The following NCAM1 variants were observed in gnomAD, a reference collection of about 807,000 sequenced individuals.
NCAM1 encodes the protein neural cell adhesion molecule 1.
Under a neutral mutation model 109.8 loss-of-function variants are expected in NCAM1, and 14 were observed. The observed-to-expected ratio is 0.13, with a 90% confidence interval of 0.08 to 0.20. NCAM1 has a LOEUF of 0.20. Ranked by LOEUF, NCAM1 falls within the 10% of genes least tolerant of loss-of-function variation. NCAM1 has a pLI of 1.00. For missense variants in NCAM1, 774 were observed against 1,109.9 expected (o/e 0.70, Z 4.30); for synonymous variants, 418 against 442.9 (o/e 0.94, Z 0.70).
At chr11:113,204,550 A>C in intron 3 of NCAM1, 46 bp downstream of exon 3, 2 of 1,579,176 alleles carry the variant, frequency 1.3e-6, no homozygotes, top group Admixed American at 1.7e-5. Flanking sequence ...TCTCCTTGCC[A>C]AGGAGACATG....
intron 1 of NCAM1, among the ~76,000 whole-genome samples, chr11:112,985,591 A>G (rs1555069473): frequency 6.6e-6 from 1 of 151,324 alleles, no homozygotes; most frequent in Non-Finnish European, 1.5e-5. Flanking sequence ...TCTTTCATCA[A>G]TGTTGTGTAG....
At chr11:113,259,791 C>T (rs1354777561) in intron 16 of NCAM1, among the ~76,000 whole-genome samples, 1 of 150,984 alleles carries the variant, frequency 6.6e-6, no homozygotes, top group East Asian at 2.0e-4. Context: ...GCAACCTCCA[C>T]CTCCTGGGTT....
rs782449167 is a variant in NCAM1 at position 113,264,302 on chromosome 11, T to C, written c.2131+3979T>C. Reference sequence around the variant, plus strand: ...TAGCCTTTCCCTTTGGGATTCCAAATGATCCCATGCTGTGGTCTGAGGGGC... The same window carrying C: ...TAGCCTTTCCCTTTGGGATTCCAAACGATCCCATGCTGTGGTCTGAGGGGC... On this transcript the variant is annotated intron_variant, in intron 17 of 19. Transcript: ENST00000316851. 103 of 985,450 alleles carry C rather than the reference T, an allele frequency of 1.0e-4. No individual in the cohort carries two copies. In the Middle Eastern group the frequency reaches 2.1e-3, roughly 20 times the overall value. 61.0% of individuals were successfully genotyped at this position (985,450 alleles called of 1,614,324 possible).
intron 1 of NCAM1, among the ~76,000 whole-genome samples, chr11:113,062,835 G>T (rs1937737246): frequency 6.6e-6 from 1 of 152,122 alleles, no homozygotes; most frequent in African/African-American, 2.4e-5. Context: ...GGATGTGGTG[G>T]TGTGTGCCTT....
chr11:113,171,068 T>C (rs1942972797), intron 1 of NCAM1, among the ~76,000 whole-genome samples: 1 of 152,204 alleles, frequency 6.6e-6, no homozygotes, highest in Non-Finnish European at 1.5e-5. Flanking sequence ...TAATGAGTGC[T>C]GGTTTCCTCT....
At chr11:113,008,748 A>G (rs1275664259) in intron 1 of NCAM1, among the ~76,000 whole-genome samples, 1 of 152,232 alleles carries the variant, frequency 6.6e-6, no homozygotes, top group Non-Finnish European at 1.5e-5. Flanking sequence ...GTTAAAAGTC[A>G]GAAAGAAAGG....
At chr11:113,180,904 C>T (rs1302703130) in intron 1 of NCAM1, among the ~76,000 whole-genome samples, 1 of 152,220 alleles carries the variant, frequency 6.6e-6, no homozygotes, top group African/African-American at 2.4e-5. Context: ...GACCATGCTG[C>T]GTCCCAGAGA....
intron 1 of NCAM1, among the ~76,000 whole-genome samples, chr11:113,086,285 G>A (rs1373017063): frequency 1.3e-5 from 2 of 152,188 alleles, no homozygotes; most frequent in African/African-American, 4.8e-5. Flanking sequence ...CTCATGAATG[G>A]GATTTTGGTC....
intron 1 of NCAM1, among the ~76,000 whole-genome samples, chr11:113,045,480 A>T (rs1953232798): frequency 6.6e-6 from 1 of 152,168 alleles, no homozygotes; most frequent in South Asian, 2.1e-4. Context: ...TTCCCTTCCC[A>T]CTTTACTCCC....
intron 1 of NCAM1, among the ~76,000 whole-genome samples, chr11:113,066,137 G>A (rs1440965587): frequency 1.3e-5 from 2 of 151,972 alleles, no homozygotes; most frequent in Non-Finnish European, 2.9e-5. Flanking sequence ...TGGAGATTGA[G>A]AGATAAGTAA....
Position 113,224,109 on chromosome 11 carries a change from G to A in NCAM1, c.1089+2784G>A, listed in dbSNP as rs550090821. 5.3e-4 allele frequency among the ~76,000 whole-genome samples: 80 copies of A among 152,334 alleles called. No homozygotes were observed. The Middle Eastern group carries it at 0.017, about 32-fold the overall frequency. ...TTCAGGACAGTGGGTGCAGCGCACC[G>A]AGCGTGAGCCGAAGCAGGGCGAGGC... On this transcript the variant is annotated intron_variant, in intron 9 of 19. Coordinates refer to ENST00000316851, the MANE Select transcript of NCAM1 (RefSeq NM_181351.5).
chr11:113,237,875 T>G (rs199737658), intron 14 of NCAM1, among the ~76,000 whole-genome samples: 22 of 44,352 alleles, frequency 5.0e-4, no homozygotes, highest in African/African-American at 1.2e-3. Context: ...GATATATAGA[T>G]ATATATAGAT....
At chr11:113,113,334 C>G (rs1284099567) in intron 1 of NCAM1, among the ~76,000 whole-genome samples, 1 of 152,106 alleles carries the variant, frequency 6.6e-6, no homozygotes, top group African/African-American at 2.4e-5. Flanking sequence ...GTCCCTAGCG[C>G]CATAGACTGG....
chr11:113,204,569 G>A (rs1565497731), intron 3 of NCAM1, 65 bp downstream of exon 3: 1 of 1,475,556 alleles, frequency 6.8e-7, no homozygotes. Context: ...TGTGGGTAGT[G>A]GAAAGGTGGA....
At chr11:113,077,460 G>C (rs1938579110) in intron 1 of NCAM1, among the ~76,000 whole-genome samples, 1 of 152,122 alleles carries the variant, frequency 6.6e-6, no homozygotes, top group Non-Finnish European at 1.5e-5. Flanking sequence ...TGATATGCCT[G>C]TCCCCAGGGA....
chr11:113,178,382 A>G (rs1555107420), intron 1 of NCAM1, among the ~76,000 whole-genome samples: 1 of 152,214 alleles, frequency 6.6e-6, no homozygotes, highest in Non-Finnish European at 1.5e-5. Flanking sequence ...ATCTCCCTGC[A>G]CAAGGTCTAC....
intron 1 of NCAM1, among the ~76,000 whole-genome samples, chr11:113,121,618 A>G (rs2136041090): frequency 6.6e-6 from 1 of 151,668 alleles, no homozygotes; most frequent in African/African-American, 2.4e-5. Context: ...CTCAAAAAGG[A>G]GACAGGAGTA....
intron 1 of NCAM1, among the ~76,000 whole-genome samples, chr11:113,158,436 C>T (rs782817209): frequency 3.9e-5 from 6 of 152,174 alleles, no homozygotes; most frequent in Non-Finnish European, 8.8e-5. Context: ...CCCCTGGAGA[C>T]TATTGTACTT....
At chr11:113,227,809 A>G (rs1375026135) in intron 9 of NCAM1, among the ~76,000 whole-genome samples, 2 of 152,252 alleles carry the variant, frequency 1.3e-5, no homozygotes, top group African/African-American at 2.4e-5. Context: ...AATCCAGCAT[A>G]TAAACAGAAC....
Sources: allele counts gnomAD v4.1 joint callset (sites outside exome capture counted in the v4.1 genomes callset), GRCh38; gene constraint gnomAD v4.1.1; transcripts MANE v1.5; gene names NCBI Gene and HGNC (gene_info 2026-07-23, HGNC 2026-07-21).